S100Z: variants seen among roughly 807,000 people sequenced by gnomAD.
S100Z encodes S100 calcium binding protein Z.
S100Z carries 11 observed loss-of-function variants against 8.5 expected under a neutral mutation model. The observed-to-expected ratio is 1.30, with a 90% CI of 0.82 to 2.15. The LOEUF is 2.15. Ranked by LOEUF, S100Z falls within the 30% of genes most tolerant of loss-of-function variation. The pLI is 0.00. For missense variants in S100Z, 126 were observed against 117.9 expected, an observed-to-expected ratio of 1.07 and a Z score of -0.32; for synonymous variants, 34 against 43.8, an observed-to-expected ratio of 0.78 and a Z score of 0.89.
intron 4 of S100Z, among the ~76,000 whole-genome samples, chr5:76,903,587 G>T: frequency 6.6e-6 from 1 of 151,932 alleles, no homozygotes. Context: ...GGGTAGTATG[G>T]TATCATTATA....
rs373993291 is a variant in S100Z at position 76,875,499 on chromosome 5, C to T, written c.140C>T (p.Ser47Leu). ...CAGCGAGAGCTCACGGAATTCCTCT[C>T]GGTGAGTCAGGCCTTTGTAAATGCT... ...LLQRELTEFL[S>L]CQKETQLVDK... Residue 47 changes from serine (S) to leucine (L), a missense_variant and splice_region_variant, in exon 3 of 5, where the codon TCG becomes TTG. Transcript: ENST00000317593. 8.1e-6 allele frequency: 13 copies of T among 1,605,204 alleles called. No individual in the cohort carries two copies. The highest frequency in any genetic ancestry group is 4.0e-5 in the African/African-American group (3 of 74,524).
the S100Z span, among the ~76,000 whole-genome samples, chr5:76,932,830 A>G: frequency 6.6e-6 from 1 of 152,116 alleles, no homozygotes; most frequent in Non-Finnish European, 1.5e-5. Context: ...TTCTGATGGG[A>G]TTTGGGAAGA....
intron 4 of S100Z, among the ~76,000 whole-genome samples, chr5:76,905,922 G>A (rs954067749): frequency 5.9e-5 from 9 of 152,068 alleles, no homozygotes; most frequent in Non-Finnish European, 1.3e-4. Flanking sequence ...GCGACTTTCT[G>A]GGCTCAAGTG....
At chr5:76,942,109 T>A in the S100Z span, among the ~76,000 whole-genome samples, 3 of 151,894 alleles carry the variant, frequency 2.0e-5, no homozygotes, top group South Asian at 6.2e-4. Flanking sequence ...ATATAAATAT[T>A]ATTATTTTAT....
chr5:76,910,490 G>A (rs1249082474), intron 4 of S100Z, among the ~76,000 whole-genome samples: 1 of 152,150 alleles, frequency 6.6e-6, no homozygotes, highest in African/African-American at 2.4e-5. Context: ...AGAAAACAGA[G>A]CAGGCCAATC....
chr5:76,870,854 G>A (rs1012974506), intron 2 of S100Z, among the ~76,000 whole-genome samples: 1 of 152,140 alleles, frequency 6.6e-6, no homozygotes, highest in Non-Finnish European at 1.5e-5. Context: ...GGGCACGCTG[G>A]CTCACATCTA....
chr5:76,928,686 A>G, the S100Z span, among the ~76,000 whole-genome samples: 2 of 152,198 alleles, frequency 1.3e-5, no homozygotes, highest in African/African-American at 2.4e-5. Context: ...AATCCTATGA[A>G]AATTCCCAGT....
intron 3 of S100Z, among the ~76,000 whole-genome samples, chr5:76,876,087 T>C (rs906796259): frequency 1.3e-5 from 2 of 152,322 alleles, no homozygotes; most frequent in African/African-American, 2.4e-5. Flanking sequence ...AAGCCGTACA[T>C]TGTAGCGTTT....
chr5:76,903,075 A>T (rs564978524), intron 4 of S100Z, among the ~76,000 whole-genome samples: 1 of 152,120 alleles, frequency 6.6e-6, no homozygotes, highest in Non-Finnish European at 1.5e-5. Context: ...GATCCCAGCT[A>T]CTCAGGAGGC....
At chr5:76,910,704 C>T (rs1230133187) in intron 4 of S100Z, among the ~76,000 whole-genome samples, 4 of 152,116 alleles carry the variant, frequency 2.6e-5, no homozygotes, top group South Asian at 2.1e-4. Context: ...CTGGGGCAAG[C>T]GCCAGCTCAT....
chr5:76,940,493 A>G, the S100Z span, among the ~76,000 whole-genome samples: 11 of 151,684 alleles, frequency 7.3e-5, no homozygotes, highest in Admixed American at 1.3e-4. Context: ...ACTAAGTGCA[A>G]CCTCCACCTT....
chr5:76,887,425 A>G (rs1258968416), intron 4 of S100Z, among the ~76,000 whole-genome samples: 11 of 78,310 alleles, frequency 1.4e-4, no homozygotes, highest in South Asian at 4.3e-4. Flanking sequence ...TTCTGAGATG[A>G]GGTCTCGCTC....
chr5:76,935,865 G>A, the S100Z span, among the ~76,000 whole-genome samples: 5 of 151,092 alleles, frequency 3.3e-5, no homozygotes, highest in South Asian at 2.1e-4. Context: ...CCACCTCCAC[G>A]TCCTGGGTTC....
At chr5:76,880,235 ACTT>A (rs1191690431) in intron 4 of S100Z, among the ~76,000 whole-genome samples, 4 of 152,124 alleles carry the variant, frequency 2.6e-5, no homozygotes, top group Admixed American at 6.6e-5. Flanking sequence ...GGCTATTTTC[ACTT>A]CTTTTGTGGA....
chr5:76,910,222 G>A (rs1418618372), intron 4 of S100Z, among the ~76,000 whole-genome samples: 1 of 152,152 alleles, frequency 6.6e-6, no homozygotes, highest in African/African-American at 2.4e-5. Context: ...ATACTCCCCT[G>A]TCACCCAACT....
intron 4 of S100Z, among the ~76,000 whole-genome samples, chr5:76,918,710 T>A (rs1371646379): frequency 6.6e-6 from 1 of 152,216 alleles, no homozygotes. Context: ...ACCCAGTGTC[T>A]GTAGTTTACA....
chr5:76,881,768 A>AG (rs1743408938), intron 4 of S100Z, among the ~76,000 whole-genome samples: 1 of 152,186 alleles, frequency 6.6e-6, no homozygotes, highest in African/African-American at 2.4e-5. Flanking sequence ...GATGAGAAGG[A>AG]GAAAAACTGC....
At chr5:76,887,215 G>C (rs1271947616) in intron 4 of S100Z, among the ~76,000 whole-genome samples, 2 of 150,950 alleles carry the variant, frequency 1.3e-5, no homozygotes, top group African/African-American at 4.9e-5. Context: ...TCGTGCCTGA[G>C]CCTCCTGAGT....
At chr5:76,874,564 CT>C (rs1198926354) in intron 2 of S100Z, among the ~76,000 whole-genome samples, 1 of 152,150 alleles carries the variant, frequency 6.6e-6, no homozygotes, top group Non-Finnish European at 1.5e-5. Flanking sequence ...CAATTTTCAT[CT>C]TCCCGGAAAC....
Sources: gnomAD v4.1 joint callset for allele counts (sites outside exome capture counted in the v4.1 genomes callset) on GRCh38, gnomAD v4.1.1 for gene constraint, MANE v1.5 for transcripts, NCBI Gene and HGNC (gene_info 2026-07-23, HGNC 2026-07-21) for gene names.